EGFR: variants seen among roughly 807,000 people sequenced by gnomAD.
The protein encoded by EGFR is avian erythroblastic leukemia viral (v-erb-b) oncogene homolog.
In EGFR, 58 loss-of-function variants were observed where a neutral mutation model predicts 143.0. The ratio of observed to expected loss-of-function variants is 0.41; its 90% CI spans 0.33 to 0.50. The LOEUF is 0.50. Among genes scored for constraint, EGFR ranks in the 20% least tolerant of loss-of-function variants. EGFR has a pLI of 0.39. For synonymous variants in EGFR, 613 were observed against 594.4 expected, an observed-to-expected ratio of 1.03 and a Z score of -0.45; for missense variants, 1,307 against 1,579.0, an observed-to-expected ratio of 0.83 and a Z score of 2.92.
chr7:55,191,931 C>T, intron 21 of EGFR, 57 bp downstream of exon 21: 2 of 1,607,222 alleles, frequency 1.2e-6, no homozygotes, highest in Non-Finnish European at 1.7e-6. Flanking sequence ...ACCAGGCTGC[C>T]TTCCCACTAG....
intron 15 of EGFR, among the ~76,000 whole-genome samples, chr7:55,170,130 G>A (rs1584215785): frequency 6.6e-6 from 1 of 152,260 alleles, no homozygotes; most frequent in South Asian, 2.1e-4. Context: ...GGGTAAGACT[G>A]CAGTACATGA....
chr7:55,204,896 A>G (rs968503353), intron 27 of EGFR, among the ~76,000 whole-genome samples: 2 of 150,118 alleles, frequency 1.3e-5, no homozygotes, highest in Admixed American at 6.7e-5. Context: ...ACACACACAT[A>G]CACCACACAC....
chr7:55,026,393 A>C (rs1786886081), intron 1 of EGFR, among the ~76,000 whole-genome samples: 3 of 152,122 alleles, frequency 2.0e-5, no homozygotes, highest in African/African-American at 7.2e-5. Context: ...CCTTTTTATA[A>C]CTATAGGGTC....
At chr7:55,197,099 C>CA (rs1284614766) in intron 22 of EGFR, among the ~76,000 whole-genome samples, 1 of 152,086 alleles carries the variant, frequency 6.6e-6, no homozygotes, top group African/African-American at 2.4e-5. Context: ...ATACTTTGGG[C>CA]AGTATAGTCA....
chr7:55,203,745 C>T (rs1196401463), intron 27 of EGFR, among the ~76,000 whole-genome samples: 1 of 150,430 alleles, frequency 6.6e-6, no homozygotes, highest in Non-Finnish European at 1.5e-5. Context: ...ACCACAGAAA[C>T]ACACATTAAC....
intron 24 of EGFR, 36 bp from the exon 25 acceptor site, chr7:55,201,152 C>T (rs773041346): frequency 2.5e-5 from 41 of 1,613,666 alleles, no homozygotes; most frequent in East Asian, 4.5e-5. Context: ...AGCATCTCTA[C>T]GGGCCATTCT....
chr7:55,055,215 AAT>A (rs1788736690), intron 1 of EGFR, among the ~76,000 whole-genome samples: 1 of 152,112 alleles, frequency 6.6e-6, no homozygotes, highest in South Asian at 2.1e-4. Context: ...AGAATCTCTA[AAT>A]CAGTGGTTCT....
chr7:55,034,875 GACATC>G (rs1787468917), intron 1 of EGFR, among the ~76,000 whole-genome samples: 1 of 152,310 alleles, frequency 6.6e-6, no homozygotes, highest in East Asian at 1.9e-4. Flanking sequence ...TTATCTTATG[GACATC>G]ACTAGTGGCA....
chr7:55,086,121 A>C (rs1330606973), intron 1 of EGFR, among the ~76,000 whole-genome samples: 1 of 152,162 alleles, frequency 6.6e-6, no homozygotes, highest in Admixed American at 6.5e-5. Context: ...TCTCGTGTCT[A>C]CAGTGCCTCA....
Position 55,097,755 on chromosome 7 carries a change from A to T in EGFR, c.89-44531A>T, listed in dbSNP as rs1253343572. Among the ~76,000 whole-genome samples the T allele has an allele frequency of 4.6e-5, 7 of 152,284 alleles. No homozygotes were observed. The South Asian group carries it at 1.5e-3, about 32-fold the overall frequency. On this transcript the variant is annotated intron_variant, in intron 1 of 27. Transcript: ENST00000275493. ...ATTGCCATGGAGCATGTTGTGCCCA[A>T]CTAGGGACAGCGCAGATAGATTCTG...
chr7:55,131,655 C>T (rs1793842613), intron 1 of EGFR, among the ~76,000 whole-genome samples: 2 of 152,204 alleles, frequency 1.3e-5, no homozygotes, highest in East Asian at 3.9e-4. Context: ...ACTGAGCGCC[C>T]TCTGCCCCCC....
intron 1 of EGFR, among the ~76,000 whole-genome samples, chr7:55,045,998 G>A (rs1216683023): frequency 6.6e-6 from 1 of 152,108 alleles, no homozygotes; most frequent in Non-Finnish European, 1.5e-5. Flanking sequence ...AAATATTTGG[G>A]ACATATTGAG....
intron 1 of EGFR, among the ~76,000 whole-genome samples, chr7:55,089,923 A>G (rs1791002841): frequency 6.6e-6 from 1 of 151,598 alleles, no homozygotes; most frequent in Non-Finnish European, 1.5e-5. Flanking sequence ...CACCTATGTG[A>G]GCCTAGGTGA....
chr7:55,027,991 A>AAAATAT (rs1554311534), intron 1 of EGFR, among the ~76,000 whole-genome samples: 29 of 54,970 alleles, frequency 5.3e-4, no homozygotes, highest in South Asian at 5.2e-3. Context: ...AAAAAAAAAA[A>AAAATAT]ATATATATAT....
At chr7:55,183,778 G>T (rs1787001880) in intron 20 of EGFR, among the ~76,000 whole-genome samples, 1 of 152,218 alleles carries the variant, frequency 6.6e-6, no homozygotes, top group Admixed American at 6.5e-5. Context: ...GTGCCTACCT[G>T]TCCCAACCGG....
At chr7:55,055,963 A>G (rs1194224334) in intron 1 of EGFR, among the ~76,000 whole-genome samples, 2 of 152,094 alleles carry the variant, frequency 1.3e-5, no homozygotes, top group Non-Finnish European at 2.9e-5. Flanking sequence ...TCATCTGGGT[A>G]ATAAGGCATT....
intron 1 of EGFR, among the ~76,000 whole-genome samples, chr7:55,083,841 A>G (rs1404407627): frequency 6.6e-6 from 1 of 152,210 alleles, no homozygotes; most frequent in Non-Finnish European, 1.5e-5. Flanking sequence ...TCAAGAAGTA[A>G]CATCCTGGGA....
At chr7:55,116,279 A>G (rs1341798684) in intron 1 of EGFR, among the ~76,000 whole-genome samples, 1 of 152,178 alleles carries the variant, frequency 6.6e-6, no homozygotes, top group African/African-American at 2.4e-5. Flanking sequence ...GGGGCCAGCT[A>G]TTGAGATTCC....
At chr7:55,153,802 C>T (rs1365021351) in intron 6 of EGFR, among the ~76,000 whole-genome samples, 1 of 152,078 alleles carries the variant, frequency 6.6e-6, no homozygotes, top group African/African-American at 2.4e-5. Flanking sequence ...TGGGACAGTG[C>T]ACCTAAGAAA....
Sources: gnomAD v4.1 joint callset for allele counts (sites outside exome capture counted in the v4.1 genomes callset) on GRCh38, gnomAD v4.1.1 for gene constraint, MANE v1.5 for transcripts, NCBI Gene and HGNC (gene_info 2026-07-23, HGNC 2026-07-21) for gene names.